Variants in SMARCAD1 observed in about 807,000 individuals in gnomAD.
SMARCAD1 encodes the protein SWI/SNF-related matrix-associated actin-dependent regulator of chromatin subfamily A containing DEAD/H box 1.
A neutral mutation model predicts 127.1 loss-of-function variants in SMARCAD1; 25 were observed. The observed-to-expected ratio is 0.20, with a 90% CI of 0.14 to 0.27. The LOEUF (loss-of-function observed/expected upper bound fraction) is 0.27, where lower values mean the gene tolerates loss of function less well. SMARCAD1 is among the 10% of genes least tolerant of loss of function. SMARCAD1 has a pLI of 1.00. For synonymous variants in SMARCAD1, 400 were observed against 396.9 expected, an observed-to-expected ratio of 1.01 and a Z score of -0.09; for missense variants, 807 against 1,206.0, an observed-to-expected ratio of 0.67 and a Z score of 4.90.
chr4:94,259,571 A>T (rs1750639281), intron 9 of SMARCAD1, among the ~76,000 whole-genome samples: 1 of 152,138 alleles, frequency 6.6e-6, no homozygotes, highest in Admixed American at 6.6e-5. Flanking sequence ...ACTTCAAAAT[A>T]ACCAAAAAGT....
intron 19 of SMARCAD1, among the ~76,000 whole-genome samples, chr4:94,279,554 T>C (rs80286792): frequency 0.063 from 9,657 of 152,304 alleles, 435 homozygotes; most frequent in Non-Finnish European, 0.099. Flanking sequence ...AGTGACTATT[T>C]TTATAAATAA....
chr4:94,208,177 C>A, intron 1 of SMARCAD1, 107 bp downstream of exon 1: 1 of 692,194 alleles, frequency 1.4e-6, no homozygotes, highest in African/African-American at 1.8e-5. Context: ...TAAAAGATAC[C>A]CCCGTCCACC....
At chr4:94,242,762 T>C (rs1297128351) in intron 6 of SMARCAD1, among the ~76,000 whole-genome samples, 5 of 151,950 alleles carry the variant, frequency 3.3e-5, no homozygotes, top group African/African-American at 1.2e-4. Flanking sequence ...AAAAAAATTT[T>C]TTTAATTAGC....
In SMARCAD1 at chr4:94,240,891, G is replaced by A; in HGVS notation, c.605-15G>A. On this transcript the variant is annotated splice_polypyrimidine_tract_variant and intron_variant, in intron 5 of 23. Coordinates refer to ENST00000354268, the MANE Select transcript of SMARCAD1 (RefSeq NM_020159.5). The stretch of plus-strand genomic sequence containing the variant: ...TTTCTGTGCAAAGTTTGAGTGTGCT[G>A]CTCTGCTTTAAAAGGTGGTGGGCCC... The A allele has an allele frequency of 6.3e-7, 1 of 1,599,570 alleles. No homozygotes were observed. The highest frequency in any genetic ancestry group is 8.6e-7 in the Non-Finnish European group (1 of 1,167,358).
intron 9 of SMARCAD1, among the ~76,000 whole-genome samples, chr4:94,254,937 AT>A (rs1238332024): frequency 2.0e-5 from 3 of 152,064 alleles, no homozygotes; most frequent in African/African-American, 7.2e-5. Flanking sequence ...CCTAGAGCAG[AT>A]TTAATATCTT....
At chr4:94,286,750 G>A (rs771733108) in intron 23 of SMARCAD1, among the ~76,000 whole-genome samples, 2 of 152,086 alleles carry the variant, frequency 1.3e-5, no homozygotes, top group Non-Finnish European at 2.9e-5. Flanking sequence ...TATAAATTTG[G>A]TCAGTCTAAA....
intron 14 of SMARCAD1, among the ~76,000 whole-genome samples, chr4:94,275,750 T>C (rs66581998): frequency 0.38 from 56,983 of 150,632 alleles, 11,835 homozygotes; most frequent in East Asian, 0.71. Flanking sequence ...CAAATTGACC[T>C]CCTCCTGGGT....
In SMARCAD1 at chr4:94,214,489, A is replaced by C. The variant is rs557208548; in HGVS notation, c.190+5905A>C. Among the ~76,000 whole-genome samples the C allele has an allele frequency of 4.6e-5, 7 of 151,738 alleles. No homozygotes were observed. In the South Asian group the frequency reaches 8.4e-4, roughly 18 times the overall value. ...TCACCGTATTAGCCAGGATGGTCTCAATCTCCTGACTTGAGATCTGCCCGC... is the reference window on the plus strand; with the variant it reads ...TCACCGTATTAGCCAGGATGGTCTCCATCTCCTGACTTGAGATCTGCCCGC... On this transcript the variant is annotated intron_variant, in intron 2 of 23. Transcript: ENST00000354268.
At chr4:94,242,114 A>G (rs1190360658) in intron 6 of SMARCAD1, among the ~76,000 whole-genome samples, 1 of 151,376 alleles carries the variant, frequency 6.6e-6, no homozygotes, top group African/African-American at 2.4e-5. Flanking sequence ...GCTCACTGCA[A>G]CCTCCACTTC....
At chr4:94,218,073 T>C (rs1743483498) in intron 2 of SMARCAD1, among the ~76,000 whole-genome samples, 1 of 152,204 alleles carries the variant, frequency 6.6e-6, no homozygotes, top group African/African-American at 2.4e-5. Flanking sequence ...AAGTTAATGC[T>C]TCATATTTGT....
chr4:94,225,904 C>T (rs2632401), intron 2 of SMARCAD1, among the ~76,000 whole-genome samples: 3 of 151,932 alleles, frequency 2.0e-5, no homozygotes, highest in Non-Finnish European at 4.4e-5. Flanking sequence ...TTTGCAGTTT[C>T]CACTAAAGTC....
chr4:94,231,349 C>CTAGAA (rs1374324948), intron 3 of SMARCAD1, among the ~76,000 whole-genome samples: 1 of 152,120 alleles, frequency 6.6e-6, no homozygotes, highest in Non-Finnish European at 1.5e-5. Context: ...GTAGAAAGGG[C>CTAGAA]TAGAATGCCT....
chr4:94,226,338 G>A, intron 3 of SMARCAD1, 42 bp downstream of exon 3: 2 of 1,505,020 alleles, frequency 1.3e-6, no homozygotes, highest in Non-Finnish European at 1.8e-6. Context: ...ATGTGTGTGA[G>A]ATTTTCCAAG....
intron 10 of SMARCAD1, among the ~76,000 whole-genome samples, chr4:94,270,344 C>CT (rs1752376399): frequency 6.6e-6 from 1 of 151,838 alleles, no homozygotes; most frequent in African/African-American, 2.4e-5. Context: ...TTTTTTTGTC[C>CT]TAATACTTTT....
At chr4:94,218,308 G>C (rs1157055413) in intron 2 of SMARCAD1, among the ~76,000 whole-genome samples, 1 of 150,744 alleles carries the variant, frequency 6.6e-6, no homozygotes, top group Non-Finnish European at 1.5e-5. Context: ...TTTTGAGATA[G>C]AGTGTCACTC....
Position 94,235,802 on chromosome 4 carries a change from C to T in SMARCAD1, c.538-1150C>T, listed in dbSNP as rs939222530. 1.8e-4 allele frequency among the ~76,000 whole-genome samples: 28 copies of T among 152,008 alleles called. 1 individual carries two copies. In the Middle Eastern group the frequency reaches 0.01, roughly 56 times the overall value. On this transcript the variant is annotated intron_variant, in intron 4 of 23. Transcript: ENST00000354268. ...TTTAAAAATACTTTCACTTGATTGC[C>T]AATTTTTAATGTAGTTCAGAGTTTT...
intron 2 of SMARCAD1, among the ~76,000 whole-genome samples, chr4:94,214,071 A>C (rs550558256): frequency 6.6e-6 from 1 of 152,236 alleles, no homozygotes; most frequent in South Asian, 2.1e-4. Flanking sequence ...TAGAGAAGTC[A>C]AGTTGAGTGG....
rs2126026494 is a variant in SMARCAD1, at chr4:94,290,760, T to TTAC, written c.*1227_*1228insACT. ...TCAGTTTCTTTGTATAACTTGTGAG[T>TTAC]TCCATGTGTTTTGTTTTTATTATGT... On this transcript the variant is annotated 3_prime_UTR_variant, in exon 24 of 24. Transcript: ENST00000354268. 2.3e-6 allele frequency: 1 copy of TTAC among 428,644 alleles called. No individual in the cohort carries two copies. The highest frequency in any genetic ancestry group is 2.1e-5 in the African/African-American group (1 of 48,754). 26.6% of individuals were successfully genotyped at this position (428,644 alleles called of 1,614,324 possible).
intron 11 of SMARCAD1, among the ~76,000 whole-genome samples, chr4:94,272,305 A>G (rs1409175116): frequency 1.3e-5 from 2 of 152,246 alleles, no homozygotes; most frequent in Admixed American, 6.5e-5. Flanking sequence ...GGAGGTGGAC[A>G]CAATTCAGTC....
Sources: allele counts gnomAD v4.1 joint callset (sites outside exome capture counted in the v4.1 genomes callset), GRCh38; gene constraint gnomAD v4.1.1; transcripts MANE v1.5; gene names NCBI Gene and HGNC (gene_info 2026-07-23, HGNC 2026-07-21).